The following SEC63 variants were observed in gnomAD, a reference collection of about 807,000 sequenced individuals.
SEC63 encodes translocation protein SEC63 homolog.
In SEC63, 56 loss-of-function variants were observed where a neutral mutation model predicts 116.2. That is an observed-to-expected ratio of 0.48 (90% CI 0.39 to 0.60). SEC63 has a LOEUF of 0.60. Among genes scored for constraint, SEC63 ranks in the 20% least tolerant of loss-of-function variants. The pLI, the probability that SEC63 is intolerant of heterozygous loss-of-function variation, is 0.00. For synonymous variants in SEC63, 273 were observed against 294.6 expected (o/e 0.93, Z 0.75); for missense variants, 668 against 900.0 (o/e 0.74, Z 3.30).
At chr6:107,946,265 C>T (rs1448519003) in intron 1 of SEC63, among the ~76,000 whole-genome samples, 1 of 151,306 alleles carries the variant, frequency 6.6e-6, no homozygotes, top group African/African-American at 2.4e-5. Context: ...AAGAGTCTCA[C>T]TCTGTCGCCC....
intron 3 of SEC63, 120 bp downstream of exon 3, chr6:107,924,698 A>G: frequency 1.5e-6 from 1 of 655,206 alleles, no homozygotes; most frequent in Non-Finnish European, 2.7e-6. Context: ...TCTTATTTTA[A>G]TAAACAAACT....
rs978251242 is a variant in SEC63 at position 107,947,453 on chromosome 6, G to A, written c.124+10433C>T. On this transcript the variant is annotated intron_variant, in intron 1 of 20. Transcript: ENST00000369002. ...TAGGGAGTGACGGTGTGCACGTGCA[G>A]TTCTAGCTACTCGGGAGGCTGAGGC... Among the ~76,000 whole-genome samples the A allele has an allele frequency of 2.0e-5, 3 of 151,918 alleles. No homozygotes were observed. In the South Asian group the frequency reaches 6.2e-4, roughly 32 times the overall value.
intron 13 of SEC63, among the ~76,000 whole-genome samples, chr6:107,899,592 G>A (rs2818189): frequency 0.87 from 132,033 of 151,950 alleles, 57,531 homozygotes; most frequent in Middle Eastern, 0.92. Context: ...GGTGGCACAC[G>A]CCTGTAATCC....
At chr6:107,943,167 T>C (rs992880835) in intron 1 of SEC63, among the ~76,000 whole-genome samples, 46 of 152,260 alleles carry the variant, frequency 3.0e-4, no homozygotes, top group African/African-American at 1.1e-3. Flanking sequence ...TTGCAACACC[T>C]GAGCTCACTG....
intron 1 of SEC63, among the ~76,000 whole-genome samples, chr6:107,938,372 T>C (rs1018831373): frequency 2.6e-5 from 4 of 151,042 alleles, no homozygotes; most frequent in African/African-American, 9.7e-5. Context: ...CACCTCAGCC[T>C]CTGGAGTAGC....
intron 1 of SEC63, among the ~76,000 whole-genome samples, chr6:107,952,019 G>A (rs1770589600): frequency 6.6e-6 from 1 of 151,816 alleles, no homozygotes; most frequent in Non-Finnish European, 1.5e-5. Flanking sequence ...TGTGTAGCCA[G>A]GGTTAAGAAT....
chr6:107,939,269 G>T (rs1436087808), intron 1 of SEC63, among the ~76,000 whole-genome samples: 1 of 152,238 alleles, frequency 6.6e-6, no homozygotes, highest in African/African-American at 2.4e-5. Flanking sequence ...GCAATGGCAT[G>T]AGACGGTGTC....
At chr6:107,956,799 C>G (rs1770721385) in intron 1 of SEC63, among the ~76,000 whole-genome samples, 1 of 152,138 alleles carries the variant, frequency 6.6e-6, no homozygotes, top group African/African-American at 2.4e-5. Context: ...TGAGCTGATT[C>G]AAGGCTTCAC....
At chr6:107,931,126 G>A (rs184595707) in intron 1 of SEC63, among the ~76,000 whole-genome samples, 20 of 151,918 alleles carry the variant, frequency 1.3e-4, no homozygotes, top group African/African-American at 3.1e-4. Flanking sequence ...TCAGGAATTC[G>A]AGACCAGCCA....
chr6:107,882,378 A>C (rs747243771), intron 17 of SEC63, among the ~76,000 whole-genome samples: 1 of 152,170 alleles, frequency 6.6e-6, no homozygotes, highest in East Asian at 1.9e-4. Flanking sequence ...ATTCTTCTCT[A>C]TAATTCTCCC....
chr6:107,874,612 A>AAAGAAC (rs1011428158), intron 19 of SEC63, among the ~76,000 whole-genome samples: 1 of 151,790 alleles, frequency 6.6e-6, no homozygotes, highest in Non-Finnish European at 1.5e-5. Context: ...AAAAAAAAAA[A>AAAGAAC]AAAGAACAAG....
intron 2 of SEC63, among the ~76,000 whole-genome samples, chr6:107,925,908 G>A (rs564559078): frequency 2.0e-5 from 3 of 152,056 alleles, no homozygotes; most frequent in Non-Finnish European, 4.4e-5. Flanking sequence ...GGAGTGCAAT[G>A]GCACGATCTT....
chr6:107,934,633 C>T (rs1770152983), intron 1 of SEC63, among the ~76,000 whole-genome samples: 2 of 142,650 alleles, frequency 1.4e-5, no homozygotes, highest in Non-Finnish European at 3.1e-5. Flanking sequence ...GGGGGTCAGC[C>T]CCCCGCCAGG....
chr6:107,921,714 A>C (rs1787559993), intron 4 of SEC63, 83 bp downstream of exon 4: 1 of 893,694 alleles, frequency 1.1e-6, no homozygotes, highest in Non-Finnish European at 1.9e-6. Flanking sequence ...AGCCTCCCAA[A>C]GTACTGGGAT....
At position 107,906,790 on chromosome 6, in the gene SEC63, A is replaced by C. The variant is rs1413785945; in HGVS notation, c.734-13T>G. ...ACCATGATAAGACCTAACAAAACAA[A>C]AGAAATATGAAGGTAAATAAATATG... On this transcript the variant is annotated splice_polypyrimidine_tract_variant and intron_variant, in intron 8 of 20. Transcript: ENST00000369002. 5 of 1,564,952 alleles carry C rather than the reference A, an allele frequency of 3.2e-6. No homozygotes were observed. The African/African-American group carries it at 6.8e-5, about 21-fold the overall frequency.
At chr6:107,871,936 A>G (rs1399671564) in intron 20 of SEC63, 89 bp from the exon 21 acceptor site, 4 of 1,369,000 alleles carry the variant, frequency 2.9e-6, no homozygotes, top group Non-Finnish European at 4.1e-6. Context: ...CTTTGACCAC[A>G]GCAATTACAA....
Position 107,921,910 on chromosome 6 carries a change from C to CAGG in SEC63, c.340-2_340-1insCCT. 2.3e-6 allele frequency: 3 copies of CAGG among 1,302,336 alleles called. No individual in the cohort carries two copies. The highest frequency in any genetic ancestry group is 2.4e-5 in the Admixed American group (1 of 41,780). 80.7% of individuals were successfully genotyped at this position (1,302,336 alleles called of 1,614,324 possible). A position where few individuals can be genotyped will look rare whatever the true frequency, so the allele number is the denominator to read the frequency against. On this transcript the variant is annotated splice_acceptor_variant, in intron 3 of 20. Transcript: ENST00000369002. LOFTEE classifies it high-confidence loss of function. ...TTTTAATTTCTGCTACTGTGGCTCC[C>CAGG]TGGGGAAAAACAAAAAAAAAAAACA...
chr6:107,895,372 A>G (rs954867301), intron 14 of SEC63, among the ~76,000 whole-genome samples: 3 of 152,122 alleles, frequency 2.0e-5, no homozygotes, highest in African/African-American at 7.2e-5. Flanking sequence ...ATCACTTGCT[A>G]TAATAAAAAC....
chr6:107,944,097 C>T (rs989037138), intron 1 of SEC63, among the ~76,000 whole-genome samples: 2 of 152,124 alleles, frequency 1.3e-5, no homozygotes, highest in African/African-American at 2.4e-5. Flanking sequence ...AAAGAACATA[C>T]TAGTAGTCTG....
Sources: allele counts gnomAD v4.1 joint callset (sites outside exome capture counted in the v4.1 genomes callset), GRCh38; gene constraint gnomAD v4.1.1; transcripts MANE v1.5; gene names NCBI Gene and HGNC (gene_info 2026-07-23, HGNC 2026-07-21).